PCDHA11: variants seen among roughly 807,000 people sequenced by gnomAD.
The protein encoded by PCDHA11 is protocadherin alpha-11.
In PCDHA11, 61 loss-of-function variants were observed where a neutral mutation model predicts 70.3. The observed-to-expected ratio is 0.87, with a 90% CI of 0.71 to 1.07. The LOEUF (loss-of-function observed/expected upper bound fraction) is 1.07, where lower values mean the gene tolerates loss of function less well. Among genes scored for constraint, PCDHA11 ranks in the 50% least tolerant of loss-of-function variants. PCDHA11 has a pLI of 0.00. For synonymous variants in PCDHA11, 633 were observed against 555.1 expected, an observed-to-expected ratio of 1.14 and a Z score of -1.97; for missense variants, 1,324 against 1,237.5, an observed-to-expected ratio of 1.07 and a Z score of -1.05.
At position 140,875,798 on chromosome 5, in the gene PCDHA11, T is replaced by C. The variant is rs377753022; in HGVS notation, c.2391+4304T>C. On this transcript the variant is annotated intron_variant, in intron 1 of 3. Coordinates refer to ENST00000398640, the MANE Select transcript of PCDHA11 (RefSeq NM_018902.5). ...GAGTGCAGTATCCACCTGGAGGTGATCGTGGACAGGCCGCTGCAGGTTTTC... is the reference window on the plus strand; with the variant it reads ...GAGTGCAGTATCCACCTGGAGGTGACCGTGGACAGGCCGCTGCAGGTTTTC... 1.5e-5 allele frequency: 24 copies of C among 1,614,138 alleles called. No individual in the cohort carries two copies. In the African/African-American group the frequency reaches 3.1e-4, roughly 21 times the overall value.
intron 1 of PCDHA11, among the ~76,000 whole-genome samples, chr5:140,880,397 A>C (rs1420314604): frequency 6.6e-6 from 1 of 152,246 alleles, no homozygotes; most frequent in Non-Finnish European, 1.5e-5. Context: ...TTTTAAGAGC[A>C]TATGGTTGAC....
rs1554262487 is a variant in PCDHA11, at chr5:141,009,847, G to T, written c.2760G>T (p.Glu920Asp). ...TCATAACCTTCGGCAAAAAGGAGGA[G>T]ACCAAGAAAAAGAAGAAAAAGAAGA... ...SDFITFGKKE[E>D]TKKKKKKKKG... Residue 920 changes from glutamate (E) to aspartate (D), a missense_variant, in exon 4 of 4, where the codon GAG (glutamate) becomes GAT (aspartate). Glu to Asp is a conservative substitution (Grantham distance 45). Coordinates refer to ENST00000398640, the MANE Select transcript of PCDHA11 (RefSeq NM_018902.5). 1 of 1,613,870 alleles carries T rather than the reference G, an allele frequency of 6.2e-7. No homozygotes were observed. Among genetic ancestry groups the T allele is most frequent in the Non-Finnish European group, 8.5e-7 (1 of 1,180,010 alleles).
At chr5:140,976,597 G>A (rs1477005420) in intron 1 of PCDHA11, among the ~76,000 whole-genome samples, 1 of 152,062 alleles carries the variant, frequency 6.6e-6, no homozygotes, top group South Asian at 2.1e-4. Flanking sequence ...TTTGTGTTAA[G>A]GGGACCTAAA....
At chr5:140,879,141 G>C (rs1413837977) in intron 1 of PCDHA11, among the ~76,000 whole-genome samples, 2 of 152,192 alleles carry the variant, frequency 1.3e-5, no homozygotes, top group Non-Finnish European at 2.9e-5. Context: ...GATTGTGAAG[G>C]CAGGAAAGCT....
intron 1 of PCDHA11, chr5:140,967,347 A>G: frequency 6.2e-7 from 1 of 1,608,324 alleles, no homozygotes; most frequent in South Asian, 1.1e-5. Flanking sequence ...GAGCACTTCG[A>G]GCTGGACCTT....
chr5:141,005,701 CA>C (rs59860837), intron 3 of PCDHA11, among the ~76,000 whole-genome samples: 201 of 7,776 alleles, frequency 0.026, no homozygotes, highest in African/African-American at 0.052. Flanking sequence ...AACTCCGTCT[CA>C]AAAAAAAAAA....
In PCDHA11 at chr5:140,927,075, C is replaced by T. The variant is rs1304732952; in HGVS notation, c.2392-51874C>T. On this transcript the variant is annotated intron_variant, in intron 1 of 3. Transcript: ENST00000398640. ...GGAACTTTCGCTTCCTTTCCAGCCA[C>T]CGCGAGCTCTACTTCGGGGTGGATC... 2.5e-6 allele frequency: 4 copies of T among 1,611,188 alleles called. No homozygotes were observed. In the Admixed American group the frequency reaches 5.0e-5, roughly 20 times the overall value.
chr5:140,917,314 G>A (rs1554197960), intron 1 of PCDHA11, among the ~76,000 whole-genome samples: 1 of 142,492 alleles, frequency 7.0e-6, no homozygotes, highest in African/African-American at 2.6e-5. Context: ...ACAATTTGGT[G>A]TTCATGTGGC....
chr5:140,929,566 C>A, intron 1 of PCDHA11: 2 of 459,566 alleles, frequency 4.4e-6, no homozygotes, highest in Admixed American at 4.2e-5. Flanking sequence ...TATTTAAGAA[C>A]AATAAAAGTA....
chr5:140,974,467 A>C (rs2096628825), intron 1 of PCDHA11, among the ~76,000 whole-genome samples: 1 of 152,228 alleles, frequency 6.6e-6, no homozygotes, highest in Non-Finnish European at 1.5e-5. Context: ...TTCAGAGGAA[A>C]GTATTCCACC....
At chr5:140,924,902 A>AT (rs1563068435) in intron 1 of PCDHA11, among the ~76,000 whole-genome samples, 2 of 39,026 alleles carry the variant, frequency 5.1e-5, no homozygotes, top group Non-Finnish European at 1.3e-4. Context: ...CTCAAAAAAA[A>AT]AAATAAAATA....
chr5:140,896,432 G>C (rs2065542713), intron 1 of PCDHA11, among the ~76,000 whole-genome samples: 1 of 152,008 alleles, frequency 6.6e-6, no homozygotes, highest in African/African-American at 2.4e-5. Context: ...ATTCTGACTG[G>C]TGTGACTGCA....
At position 140,987,235 on chromosome 5, in the gene PCDHA11, T is replaced by G. The variant is rs189203030; in HGVS notation, c.2539+4672T>G. Among the ~76,000 whole-genome samples, 565 of 151,370 alleles carry G rather than the reference T, an allele frequency of 3.7e-3. 4 individuals are homozygous for G. The highest frequency in any genetic ancestry group is 0.013 in the African/African-American group (539 of 41,236). On this transcript the variant is annotated intron_variant, in intron 3 of 3. Transcript: ENST00000398640. Reference sequence around the variant, plus strand: ...TCTCAAAAAAAAAAAAAATAATAAATAAAGAAAGAAAGACATTCTCAGGAA... The same window carrying G: ...TCTCAAAAAAAAAAAAAATAATAAAGAAAGAAAGAAAGACATTCTCAGGAA...
chr5:140,926,441 A>G (rs1476576189), intron 1 of PCDHA11: 1 of 154,800 alleles, frequency 6.5e-6, no homozygotes, highest in African/African-American at 2.4e-5. Context: ...AGATCTGGGC[A>G]GCCTCAGGGC....
chr5:140,881,680 T>G (rs1391876461), intron 1 of PCDHA11, among the ~76,000 whole-genome samples: 1 of 152,268 alleles, frequency 6.6e-6, no homozygotes. Flanking sequence ...GTGATTGTTA[T>G]GTTTCCTTTT....
At chr5:140,967,956 A>G in intron 1 of PCDHA11, 2 of 1,614,172 alleles carry the variant, frequency 1.2e-6, no homozygotes, top group Middle Eastern at 3.3e-4. Context: ...TCAGGCCCCA[A>G]CCGGAAAGTG....
intron 1 of PCDHA11, among the ~76,000 whole-genome samples, chr5:140,894,352 G>A (rs2064438357): frequency 6.6e-6 from 1 of 151,796 alleles, no homozygotes; most frequent in Admixed American, 6.6e-5. Context: ...TATTACTTCA[G>A]ATTTCTTCTT....
chr5:140,955,505 C>T (rs1253768939), intron 1 of PCDHA11, among the ~76,000 whole-genome samples: 2 of 152,152 alleles, frequency 1.3e-5, no homozygotes, highest in African/African-American at 2.4e-5. Flanking sequence ...TGAAGAAAGA[C>T]GTGTTTGCTT....
At chr5:140,969,493 C>T (rs1240479958) in intron 1 of PCDHA11, 5 of 1,445,166 alleles carry the variant, frequency 3.5e-6, no homozygotes, top group Non-Finnish European at 4.6e-6. Flanking sequence ...GCTATTTCCT[C>T]TCTAGAAAAA....
Sources: gnomAD v4.1 joint callset for allele counts (sites outside exome capture counted in the v4.1 genomes callset) on GRCh38, gnomAD v4.1.1 for gene constraint, MANE v1.5 for transcripts, NCBI Gene and HGNC (gene_info 2026-07-23, HGNC 2026-07-21) for gene names.